The following BIRC2 variants were observed in gnomAD, a reference collection of about 807,000 sequenced individuals.
BIRC2 encodes baculoviral IAP repeat-containing protein 2.
BIRC2 carries 18 observed loss-of-function variants against 60.9 expected under a neutral mutation model. The observed-to-expected ratio is 0.30, with a 90% CI of 0.20 to 0.44. BIRC2 has a LOEUF of 0.44. BIRC2 is among the 20% of genes least tolerant of loss of function. The pLI, the probability that BIRC2 is intolerant of heterozygous loss-of-function variation, is 1.00. For synonymous variants in BIRC2, 282 were observed against 247.7 expected (o/e 1.14, Z -1.30); for missense variants, 701 against 728.5 (o/e 0.96, Z 0.43).
intron 5 of BIRC2, among the ~76,000 whole-genome samples, chr11:102,365,326 T>C (rs1011593285): frequency 5.3e-5 from 8 of 152,214 alleles, no homozygotes; most frequent in Non-Finnish European, 8.8e-5. Flanking sequence ...AATGTACTTT[T>C]GCTAATCCTA....
rs112554990 is a variant in BIRC2 at position 102,358,568 on chromosome 11, G to A, written c.996-4328G>A. Among the ~76,000 whole-genome samples the A allele has an allele frequency of 5.6e-4, 85 of 152,172 alleles. 1 individual carries two copies. Among genetic ancestry groups the A allele is most frequent in the African/African-American group, 2.0e-3 (83 of 41,526 alleles). ...ATCCATTATTGAAAGTAGGATTTTTGAAGTCTTCTAGTATTATTGTGTTAC... is the reference window on the plus strand; with the variant it reads ...ATCCATTATTGAAAGTAGGATTTTTAAAGTCTTCTAGTATTATTGTGTTAC... On this transcript the variant is annotated intron_variant, in intron 3 of 8. Coordinates refer to ENST00000227758, the MANE Select transcript of BIRC2 (RefSeq NM_001166.5).
chr11:102,371,644 T>C (rs541571500), intron 6 of BIRC2, among the ~76,000 whole-genome samples: 59 of 148,736 alleles, frequency 4.0e-4, no homozygotes, highest in African/African-American at 1.2e-3. Flanking sequence ...TTGTTGTGTC[T>C]CTGCCCGGCT....
At chr11:102,357,115 A>G (rs1053464315) in intron 3 of BIRC2, among the ~76,000 whole-genome samples, 3 of 152,102 alleles carry the variant, frequency 2.0e-5, no homozygotes, top group Non-Finnish European at 4.4e-5. Context: ...GTTTGCTAGT[A>G]TTTGTTGAGG....
rs201066994 is a variant in BIRC2, at chr11:102,368,286, G to A, written c.1124-20G>A. The A allele has an allele frequency of 1.7e-3, 2,686 of 1,603,860 alleles. 4 individuals carry two copies. Among genetic ancestry groups the A allele is most frequent in the Admixed American group, 3.6e-3 (208 of 58,552 alleles). On this transcript the variant is annotated intron_variant, in intron 5 of 8. Coordinates refer to ENST00000227758, the MANE Select transcript of BIRC2 (RefSeq NM_001166.5). Reference sequence around the variant, plus strand: ...TTTATGTTTGTGGAATTTAATATTAGCATGTTTCTTTTCAAATAGTTATTC... The same window carrying A: ...TTTATGTTTGTGGAATTTAATATTAACATGTTTCTTTTCAAATAGTTATTC...
chr11:102,377,070 C>T (rs1259771293), intron 6 of BIRC2, among the ~76,000 whole-genome samples: 1 of 152,022 alleles, frequency 6.6e-6, no homozygotes, highest in African/African-American at 2.4e-5. Context: ...TTTTCTGAGT[C>T]TTTTTTCTCC....
intron 3 of BIRC2, among the ~76,000 whole-genome samples, chr11:102,354,938 A>G (rs1027904949): frequency 2.0e-4 from 15 of 74,368 alleles, no homozygotes; most frequent in Non-Finnish European, 4.2e-4. Context: ...AACCTGAATT[A>G]TTTGGGTTTT....
chr11:102,354,736 A>G (rs1243926926), intron 3 of BIRC2, among the ~76,000 whole-genome samples: 1 of 152,186 alleles, frequency 6.6e-6, no homozygotes. Context: ...TTTTCTTCAC[A>G]TCTTTGCCAA....
intron 3 of BIRC2, among the ~76,000 whole-genome samples, chr11:102,355,169 C>T (rs867293314): frequency 3.3e-5 from 5 of 152,008 alleles, no homozygotes; most frequent in Non-Finnish European, 7.4e-5. Context: ...ATACCCAAAA[C>T]ATTATTGCCA....
At chr11:102,352,204 C>T (rs1014418108) in intron 3 of BIRC2, among the ~76,000 whole-genome samples, 5 of 151,662 alleles carry the variant, frequency 3.3e-5, no homozygotes, top group Non-Finnish European at 7.4e-5. Context: ...AGCTCCACCT[C>T]CCGGGTTCAC....
intron 6 of BIRC2, among the ~76,000 whole-genome samples, chr11:102,373,388 G>T (rs1304826302): frequency 6.6e-6 from 1 of 152,104 alleles, no homozygotes; most frequent in Admixed American, 6.6e-5. Flanking sequence ...CTCACCATTT[G>T]CTTGTCTGTG....
intron 4 of BIRC2, 66 bp from the exon 5 acceptor site, chr11:102,363,602 G>A (rs1342667646): frequency 8.2e-7 from 1 of 1,216,678 alleles, no homozygotes; most frequent in Non-Finnish European, 1.2e-6. Context: ...GCTTATTTTA[G>A]TGTTGTTCTT....
In BIRC2 at chr11:102,350,022, C is replaced by T. The variant is rs766495671; in HGVS notation, c.168C>T (p.Phe56=). 2.8e-5 allele frequency: 46 copies of T among 1,614,206 alleles called. No homozygotes were observed. Among genetic ancestry groups the T allele is most frequent in the Non-Finnish European group, 3.9e-5 (46 of 1,180,036 alleles). The part of the protein sequence containing the change: ...ELYRMSTYST[F]PAGVPVSERS... ...ACAGAATGTCTACATATTCAACTTT[C>T]CCCGCCGGGGTGCCTGTCTCAGAAA... The change falls in exon 2 of 9, where the codon TTC becomes TTT. Residue 56 remains phenylalanine, a synonymous_variant. Coordinates refer to ENST00000227758, the MANE Select transcript of BIRC2 (RefSeq NM_001166.5).
rs34130638 is a variant in BIRC2 at position 102,365,743 on chromosome 11, A to AGTGTGT, written c.1123+2050_1123+2055dup. Reference sequence around the variant, plus strand: ...AGGCATGCACCATCACATTCAGCTAAGTGTGTGTGTGTGTGTGTGTGTGTG... The same window carrying AGTGTGT: ...AGGCATGCACCATCACATTCAGCTAAGTGTGTGTGTGTGTGTGTGTGTGTGTGTGTG... On this transcript the variant is annotated intron_variant, in intron 5 of 8. Coordinates refer to ENST00000227758, the MANE Select transcript of BIRC2 (RefSeq NM_001166.5). Among the ~76,000 whole-genome samples, 861 of 147,656 alleles carry AGTGTGT rather than the reference A, an allele frequency of 5.8e-3. 5 individuals are homozygous for AGTGTGT. Among genetic ancestry groups the AGTGTGT allele is most frequent in the South Asian group, 0.039 (180 of 4,618 alleles).
intron 3 of BIRC2, among the ~76,000 whole-genome samples, chr11:102,351,628 A>AG (rs1169570545): frequency 4.0e-5 from 6 of 150,520 alleles, no homozygotes; most frequent in East Asian, 1.9e-4. Flanking sequence ...AAAAAAAAAA[A>AG]AAAAAAAAAG....
chr11:102,357,263 C>G (rs531683222), intron 3 of BIRC2, among the ~76,000 whole-genome samples: 1 of 151,430 alleles, frequency 6.6e-6, no homozygotes. Context: ...TCCCTCCTTA[C>G]TCCCTCTTCC....
chr11:102,360,652 A>C (rs1356598265), intron 3 of BIRC2, among the ~76,000 whole-genome samples: 2 of 149,258 alleles, frequency 1.3e-5, no homozygotes, highest in African/African-American at 2.5e-5. Context: ...TGATTACTGG[A>C]AAATTACTGA....
chr11:102,357,029 A>G (rs1163364626), intron 3 of BIRC2, among the ~76,000 whole-genome samples: 2 of 152,098 alleles, frequency 1.3e-5, no homozygotes, highest in East Asian at 1.9e-4. Context: ...ATTGATTTGC[A>G]TATGTCATAC....
chr11:102,354,977 G>C (rs1207411318), intron 3 of BIRC2, among the ~76,000 whole-genome samples: 1 of 93,820 alleles, frequency 1.1e-5, no homozygotes, highest in East Asian at 3.9e-4. Context: ...CTATTGAGTT[G>C]TATAAGTTCC....
At chr11:102,372,979 A>G (rs1220459086) in intron 6 of BIRC2, among the ~76,000 whole-genome samples, 1 of 151,780 alleles carries the variant, frequency 6.6e-6, no homozygotes, top group Non-Finnish European at 1.5e-5. Flanking sequence ...ATCAGAGACT[A>G]GGATTGCAAC....
Sources: allele counts gnomAD v4.1 joint callset (sites outside exome capture counted in the v4.1 genomes callset), GRCh38; gene constraint gnomAD v4.1.1; transcripts MANE v1.5; gene names NCBI Gene and HGNC (gene_info 2026-07-23, HGNC 2026-07-21).